The following TENM3 variants were observed in gnomAD, a reference collection of about 807,000 sequenced individuals.
TENM3 encodes the protein teneurin-3.
TENM3 carries 63 observed loss-of-function variants against 255.1 expected under a neutral mutation model. The ratio of observed to expected loss-of-function variants is 0.25; its 90% CI spans 0.20 to 0.30. The LOEUF (loss-of-function observed/expected upper bound fraction) is 0.30. TENM3 is among the 10% of genes least tolerant of loss of function. The pLI is 1.00. For synonymous variants in TENM3, 1,306 were observed against 1,322.3 expected, an observed-to-expected ratio of 0.99 and a Z score of 0.27; for missense variants, 2,929 against 3,461.1, an observed-to-expected ratio of 0.85 and a Z score of 3.86.
chr4:181,946,719 G>C, the TENM3 span, among the ~76,000 whole-genome samples: 1 of 152,088 alleles, frequency 6.6e-6, no homozygotes, highest in African/African-American at 2.4e-5. Flanking sequence ...AAAAAAGAAT[G>C]AATAGAGTTC....
chr4:182,778,314 G>A (rs575940463), intron 24 of TENM3, among the ~76,000 whole-genome samples: 75 of 152,252 alleles, frequency 4.9e-4, no homozygotes, highest in Non-Finnish European at 8.7e-4. Context: ...AAAGCCAAAC[G>A]TGTGTTTAAA....
At chr4:182,498,711 C>T (rs780617584) in intron 3 of TENM3, among the ~76,000 whole-genome samples, 10 of 152,072 alleles carry the variant, frequency 6.6e-5, no homozygotes, top group Non-Finnish European at 1.0e-4. Flanking sequence ...GAAAATTAGC[C>T]GGGCGTGGTG....
the TENM3 span, among the ~76,000 whole-genome samples, chr4:181,808,239 A>T: frequency 6.6e-6 from 1 of 152,234 alleles, no homozygotes; most frequent in Admixed American, 6.5e-5. Flanking sequence ...TAGCAAAATC[A>T]ATATGCTATA....
the TENM3 span, among the ~76,000 whole-genome samples, chr4:181,717,408 T>C: frequency 2.0e-4 from 30 of 152,242 alleles, no homozygotes; most frequent in Non-Finnish European, 4.3e-4. Flanking sequence ...AGACATTCTT[T>C]TACTTTCAAC....
the TENM3 span, among the ~76,000 whole-genome samples, chr4:181,979,421 T>C: frequency 1.3e-5 from 2 of 152,026 alleles, no homozygotes; most frequent in East Asian, 1.9e-4. Context: ...GATTGATTAA[T>C]TCTTATTGGC....
chr4:182,312,868 A>G (rs1225796806), intron 1 of TENM3, among the ~76,000 whole-genome samples: 1 of 152,208 alleles, frequency 6.6e-6, no homozygotes, highest in Non-Finnish European at 1.5e-5. Flanking sequence ...GCCTTTTCCC[A>G]TCTATTCTAA....
the TENM3 span, among the ~76,000 whole-genome samples, chr4:182,094,003 G>T: frequency 6.6e-6 from 1 of 152,118 alleles, no homozygotes; most frequent in South Asian, 2.1e-4. Flanking sequence ...GGAACCTACA[G>T]AGGCCTAGGA....
At chr4:181,794,944 C>A in the TENM3 span, among the ~76,000 whole-genome samples, 1 of 152,134 alleles carries the variant, frequency 6.6e-6, no homozygotes, top group African/African-American at 2.4e-5. Context: ...TCCAGAAATT[C>A]ACAGAAGAAA....
chr4:182,066,859 C>T, the TENM3 span, among the ~76,000 whole-genome samples: 52 of 152,118 alleles, frequency 3.4e-4, no homozygotes, highest in African/African-American at 1.1e-3. Flanking sequence ...TGCAGTGAGC[C>T]GAGATCGCAC....
At chr4:182,696,255 A>G in intron 12 of TENM3, among the ~76,000 whole-genome samples, 1 of 152,238 alleles carries the variant, frequency 6.6e-6, no homozygotes. Context: ...TACTGTTGAT[A>G]GTTTTATCAA....
the TENM3 span, among the ~76,000 whole-genome samples, chr4:181,918,174 A>G: frequency 6.6e-6 from 1 of 152,284 alleles, no homozygotes; most frequent in African/African-American, 2.4e-5. Context: ...GCTACATTTA[A>G]TTTTTCATTC....
At chr4:182,119,535 C>T in the TENM3 span, among the ~76,000 whole-genome samples, 1 of 152,016 alleles carries the variant, frequency 6.6e-6, no homozygotes, top group African/African-American at 2.4e-5. Context: ...ATGTACCTGC[C>T]CATTTATCTC....
At chr4:181,736,628 C>T in the TENM3 span, among the ~76,000 whole-genome samples, 108 of 151,916 alleles carry the variant, frequency 7.1e-4, no homozygotes, top group Non-Finnish European at 1.4e-3. Context: ...GGCCACATAG[C>T]TTTATGTGAG....
At chr4:182,303,706 CTTCT>C (rs1424794373) in intron 1 of TENM3, among the ~76,000 whole-genome samples, 1 of 152,024 alleles carries the variant, frequency 6.6e-6, no homozygotes, top group Non-Finnish European at 1.5e-5. Context: ...AAGAACCAAC[CTTCT>C]AAGTTTGTTG....
chr4:181,990,926 T>C, the TENM3 span, among the ~76,000 whole-genome samples: 1 of 151,860 alleles, frequency 6.6e-6, no homozygotes, highest in Non-Finnish European at 1.5e-5. Context: ...TGCAAGCAAA[T>C]AACAAAAAAT....
the TENM3 span, among the ~76,000 whole-genome samples, chr4:181,842,567 A>G: frequency 6.6e-6 from 1 of 152,200 alleles, no homozygotes; most frequent in South Asian, 2.1e-4. Context: ...TGCTATGTGA[A>G]GCTCAGTAGC....
chr4:181,761,110 A>G, the TENM3 span, among the ~76,000 whole-genome samples: 110 of 151,916 alleles, frequency 7.2e-4, no homozygotes, highest in African/African-American at 2.6e-3. Flanking sequence ...ACGTCTCTAT[A>G]TTGTCAGTTG....
At chr4:182,398,462 A>G (rs1769001900) in intron 3 of TENM3, among the ~76,000 whole-genome samples, 1 of 152,184 alleles carries the variant, frequency 6.6e-6, no homozygotes, top group Admixed American at 6.5e-5. Context: ...GTGTTTGTTG[A>G]CTGACTGCCC....
At chr4:182,549,707 A>G (rs1463363057) in intron 3 of TENM3, among the ~76,000 whole-genome samples, 1 of 152,194 alleles carries the variant, frequency 6.6e-6, no homozygotes, top group Non-Finnish European at 1.5e-5. Context: ...TCAAAATATC[A>G]TGCATTCTTC....
Sources: gnomAD v4.1 joint callset for allele counts (sites outside exome capture counted in the v4.1 genomes callset) on GRCh38, gnomAD v4.1.1 for gene constraint, MANE v1.5 for transcripts, NCBI Gene and HGNC (gene_info 2026-07-23, HGNC 2026-07-21) for gene names.